SLC8A1: variants seen among roughly 807,000 people sequenced by gnomAD.
The protein encoded by SLC8A1 is solute carrier family 8 member A1, also known as sodium/calcium exchanger 1.
Under a neutral mutation model 68.3 loss-of-function variants are expected in SLC8A1, and 18 were observed. The observed-to-expected ratio is 0.26, with a 90% confidence interval of 0.18 to 0.39. The LOEUF (loss-of-function observed/expected upper bound fraction) is 0.39, where lower values mean the gene tolerates loss of function less well. Ranked by LOEUF, SLC8A1 falls within the 10% of genes least tolerant of loss-of-function variation. The probability of loss-of-function intolerance (pLI) is 1.00; values close to 1 mark genes in which losing one functional copy is unlikely to be tolerated. For missense variants in SLC8A1, 985 were observed against 1,156.7 expected, an observed-to-expected ratio of 0.85 and a Z score of 2.15; for synonymous variants, 475 against 415.5, an observed-to-expected ratio of 1.14 and a Z score of -1.74.
intron 2 of SLC8A1, among the ~76,000 whole-genome samples, chr2:40,201,979 T>C (rs548507515): frequency 2.0e-5 from 3 of 151,994 alleles, no homozygotes. Flanking sequence ...ACATTAGATA[T>C]ATAAAAGCAT....
intron 2 of SLC8A1, chr2:40,251,733 A>G (rs1330886400): frequency 6.6e-6 from 1 of 152,198 alleles, no homozygotes; most frequent in East Asian, 1.9e-4. Flanking sequence ...GCTGAATCTC[A>G]GCCTGATGGA....
intron 1 of SLC8A1, among the ~76,000 whole-genome samples, chr2:40,441,915 A>G (rs932617382): frequency 6.6e-6 from 1 of 151,914 alleles, no homozygotes; most frequent in Non-Finnish European, 1.5e-5. Context: ...AAATTGACAA[A>G]TGGGATGTAA....
At chr2:40,386,362 C>A (rs978507855) in intron 2 of SLC8A1, among the ~76,000 whole-genome samples, 1 of 150,938 alleles carries the variant, frequency 6.6e-6, no homozygotes, top group Non-Finnish European at 1.5e-5. Flanking sequence ...GTCAATGTAG[C>A]GGAATTCCTT....
chr2:40,507,935 A>C (rs1706470729), intron 1 of SLC8A1, among the ~76,000 whole-genome samples: 1 of 152,144 alleles, frequency 6.6e-6, no homozygotes, highest in African/African-American at 2.4e-5. Context: ...CAACAAAAAT[A>C]GTTTTTATTT....
At chr2:40,392,226 A>C (rs966592351) in intron 2 of SLC8A1, among the ~76,000 whole-genome samples, 2 of 151,002 alleles carry the variant, frequency 1.3e-5, no homozygotes, top group African/African-American at 2.4e-5. Context: ...AGAAAAGAGA[A>C]AGAAAAAGAA....
chr2:40,398,393 T>A (rs1035136618), intron 2 of SLC8A1, among the ~76,000 whole-genome samples: 1 of 152,204 alleles, frequency 6.6e-6, no homozygotes, highest in Non-Finnish European at 1.5e-5. Flanking sequence ...TCCTGGTTAT[T>A]GGTGGTATAT....
At chr2:40,270,882 G>C (rs926536916) in intron 2 of SLC8A1, among the ~76,000 whole-genome samples, 1 of 152,138 alleles carries the variant, frequency 6.6e-6, no homozygotes, top group Non-Finnish European at 1.5e-5. Flanking sequence ...CTTCAGGCTA[G>C]AGCTGTCTTT....
At chr2:40,238,912 T>C (rs2060821238) in intron 2 of SLC8A1, among the ~76,000 whole-genome samples, 1 of 152,186 alleles carries the variant, frequency 6.6e-6, no homozygotes, top group African/African-American at 2.4e-5. Context: ...ATAACTGCAG[T>C]AACCTTTTAA....
chr2:40,141,595 C>T (rs113649836), intron 6 of SLC8A1, among the ~76,000 whole-genome samples: 180 of 152,218 alleles, frequency 1.2e-3, no homozygotes, highest in African/African-American at 3.9e-3. Flanking sequence ...CATTGCTGAC[C>T]GTTTGCTCTG....
intron 2 of SLC8A1, among the ~76,000 whole-genome samples, chr2:40,395,958 C>T (rs1686772726): frequency 6.6e-6 from 1 of 152,048 alleles, no homozygotes; most frequent in Non-Finnish European, 1.5e-5. Flanking sequence ...TCATACTGTT[C>T]TGTAAAATCA....
At chr2:40,192,744 T>C (rs1238928465) in intron 2 of SLC8A1, among the ~76,000 whole-genome samples, 6 of 152,204 alleles carry the variant, frequency 3.9e-5, no homozygotes, top group Admixed American at 3.9e-4. Flanking sequence ...AATACTTTTT[T>C]TTATTGAGTT....
intron 2 of SLC8A1, among the ~76,000 whole-genome samples, chr2:40,329,546 A>G (rs1308884697): frequency 6.6e-6 from 1 of 152,236 alleles, no homozygotes; most frequent in African/African-American, 2.4e-5. Context: ...GAGGAAGAAT[A>G]AGAGATGGAA....
At chr2:40,196,342 A>T (rs2053013957) in intron 2 of SLC8A1, among the ~76,000 whole-genome samples, 1 of 151,978 alleles carries the variant, frequency 6.6e-6, no homozygotes, top group African/African-American at 2.4e-5. Context: ...AGCATGCATT[A>T]AAACTTAAGA....
At chr2:40,282,157 A>T (rs1386074398) in intron 2 of SLC8A1, among the ~76,000 whole-genome samples, 1 of 152,034 alleles carries the variant, frequency 6.6e-6, no homozygotes, top group Non-Finnish European at 1.5e-5. Context: ...TTTTTCTTCT[A>T]GGACATGTAT....
chr2:40,479,539 T>G (rs994531395), intron 1 of SLC8A1, among the ~76,000 whole-genome samples: 1 of 152,274 alleles, frequency 6.6e-6, no homozygotes, highest in South Asian at 2.1e-4. Context: ...TTGGACATAA[T>G]AGTAGTAGGT....
chr2:40,415,593 G>A (rs2149717578), intron 2 of SLC8A1, among the ~76,000 whole-genome samples: 1 of 152,184 alleles, frequency 6.6e-6, no homozygotes, highest in East Asian at 1.9e-4. Context: ...TTACAAAAAA[G>A]GATAGGATGT....
chr2:40,148,278 A>G (rs2042824423), intron 6 of SLC8A1, among the ~76,000 whole-genome samples: 2 of 152,068 alleles, frequency 1.3e-5, no homozygotes, highest in Non-Finnish European at 2.9e-5. Context: ...TCTATTCGTG[A>G]TTTATTTCAG....
chr2:40,124,800 GTGCAAC>G (rs1388536612), intron 7 of SLC8A1, among the ~76,000 whole-genome samples: 1 of 152,200 alleles, frequency 6.6e-6, no homozygotes, highest in African/African-American at 2.4e-5. Flanking sequence ...ACATGATACT[GTGCAAC>G]TGTTAAAGTA....
intron 2 of SLC8A1, among the ~76,000 whole-genome samples, chr2:40,422,774 T>C (rs1289323650): frequency 2.0e-5 from 3 of 152,166 alleles, no homozygotes; most frequent in African/African-American, 7.2e-5. Flanking sequence ...ACAAATCTGT[T>C]AAATTCTCTT....
Sources: allele counts gnomAD v4.1 joint callset (sites outside exome capture counted in the v4.1 genomes callset), GRCh38; gene constraint gnomAD v4.1.1; transcripts MANE v1.5; gene names NCBI Gene and HGNC (gene_info 2026-07-23, HGNC 2026-07-21).